Variants in PRKG1 observed in about 807,000 individuals in gnomAD.
The protein encoded by PRKG1 is protein kinase cGMP-dependent 1.
In PRKG1, 35 loss-of-function variants were observed where a neutral mutation model predicts 88.1. The ratio of observed to expected loss-of-function variants is 0.40; its 90% confidence interval spans 0.30 to 0.53. The LOEUF (loss-of-function observed/expected upper bound fraction) is 0.53, where lower values mean the gene tolerates loss of function less well. Among genes scored for constraint, PRKG1 ranks in the 20% least tolerant of loss-of-function variants. The probability of loss-of-function intolerance (pLI) is 0.59; values close to 1 mark genes in which losing one functional copy is unlikely to be tolerated. For missense variants in PRKG1, 540 were observed against 839.8 expected (o/e 0.64, Z 4.41); for synonymous variants, 303 against 292.5 (o/e 1.04, Z -0.37).
At chr10:52,072,329 T>G (rs1386205278) in intron 7 of PRKG1, among the ~76,000 whole-genome samples, 1 of 151,954 alleles carries the variant, frequency 6.6e-6, no homozygotes, top group Non-Finnish European at 1.5e-5. Context: ...TTTGTGGCTG[T>G]CCAAAACAAA....
intron 9 of PRKG1, among the ~76,000 whole-genome samples, chr10:52,172,318 G>A (rs190580088): frequency 1.2e-4 from 19 of 152,264 alleles, no homozygotes; most frequent in Admixed American, 2.0e-4. Flanking sequence ...CTTGATTGCT[G>A]AGTCTGTTTC....
rs569769835 is a variant in PRKG1, at chr10:51,980,442, G to A, written c.762+72872G>A. On this transcript the variant is annotated intron_variant, in intron 5 of 17. Coordinates refer to ENST00000373980, the MANE Select transcript of PRKG1 (RefSeq NM_006258.4). ...AATATGTGCCCTGTGGTGATGAGAAGAATGTATAGTCTGTTATTTTGGGTT... is the reference window on the plus strand; with the variant it reads ...AATATGTGCCCTGTGGTGATGAGAAAAATGTATAGTCTGTTATTTTGGGTT... Among the ~76,000 whole-genome samples, 14 of 152,260 alleles carry A rather than the reference G, an allele frequency of 9.2e-5. No individual in the cohort carries two copies. In the East Asian group the frequency reaches 2.7e-3, roughly 29 times the overall value.
intron 8 of PRKG1, among the ~76,000 whole-genome samples, chr10:52,134,761 T>C (rs1837359637): frequency 1.3e-5 from 2 of 152,146 alleles, no homozygotes; most frequent in South Asian, 4.1e-4. Context: ...CCTAGAATGA[T>C]GGAGCTGGAT....
At chr10:52,111,311 T>G (rs1052698608) in intron 7 of PRKG1, among the ~76,000 whole-genome samples, 4 of 152,216 alleles carry the variant, frequency 2.6e-5, no homozygotes, top group African/African-American at 9.6e-5. Flanking sequence ...TAGCACATAC[T>G]AAATACACAA....
At chr10:52,179,923 G>A (rs997228884) in intron 9 of PRKG1, among the ~76,000 whole-genome samples, 20 of 152,214 alleles carry the variant, frequency 1.3e-4, no homozygotes, top group African/African-American at 3.6e-4. Flanking sequence ...TCCTGATTTC[G>A]TGATCTGCCC....
At chr10:51,270,157 A>G (rs895286305) in intron 2 of PRKG1, among the ~76,000 whole-genome samples, 1 of 120,726 alleles carries the variant, frequency 8.3e-6, no homozygotes, top group Non-Finnish European at 1.7e-5. Flanking sequence ...ATTTCACAGT[A>G]TTAATTATTA....
intron 2 of PRKG1, among the ~76,000 whole-genome samples, chr10:51,307,845 T>C (rs1163040894): frequency 2.0e-5 from 3 of 152,118 alleles, no homozygotes; most frequent in African/African-American, 7.2e-5. Context: ...TAAGAGCAGA[T>C]TAATATAGCC....
chr10:51,027,134 TG>T (rs1387343959), intron 1 of PRKG1, among the ~76,000 whole-genome samples: 1 of 152,190 alleles, frequency 6.6e-6, no homozygotes, highest in Non-Finnish European at 1.5e-5. Flanking sequence ...TCAAACCAAC[TG>T]CTCTGGTGTG....
intron 5 of PRKG1, among the ~76,000 whole-genome samples, chr10:52,036,506 G>T (rs1845613414): frequency 6.6e-6 from 1 of 151,678 alleles, no homozygotes; most frequent in African/African-American, 2.4e-5. Context: ...CTGCGGGATG[G>T]GATATTGGCG....
At chr10:52,194,864 A>G (rs1417298001) in intron 9 of PRKG1, among the ~76,000 whole-genome samples, 2 of 152,182 alleles carry the variant, frequency 1.3e-5, no homozygotes, top group Non-Finnish European at 1.5e-5. Context: ...ACTTGCATCA[A>G]GGTAATAAAA....
chr10:52,117,902 G>T (rs896236266), intron 7 of PRKG1, among the ~76,000 whole-genome samples: 41 of 151,784 alleles, frequency 2.7e-4, no homozygotes, highest in African/African-American at 9.4e-4. Flanking sequence ...ACATATAGGG[G>T]TTTTTTAGTT....
chr10:52,166,916 C>CACACAT (rs1270668081), intron 9 of PRKG1, among the ~76,000 whole-genome samples: 162 of 127,878 alleles, frequency 1.3e-3, no homozygotes, highest in African/African-American at 4.3e-3. Flanking sequence ...CACACACACA[C>CACACAT]ATATATATAA....
chr10:51,584,740 G>A (rs760242056), intron 3 of PRKG1, among the ~76,000 whole-genome samples: 11 of 151,988 alleles, frequency 7.2e-5, no homozygotes, highest in Non-Finnish European at 1.0e-4. Flanking sequence ...ATTTGTGCAC[G>A]ATTTACAGTT....
At chr10:52,071,092 T>G (rs1846484641) in intron 7 of PRKG1, among the ~76,000 whole-genome samples, 1 of 152,216 alleles carries the variant, frequency 6.6e-6, no homozygotes, top group Non-Finnish European at 1.5e-5. Flanking sequence ...TGTGAGGTAT[T>G]ATTGCCATTA....
intron 3 of PRKG1, among the ~76,000 whole-genome samples, chr10:51,665,153 T>A (rs1461064841): frequency 5.3e-5 from 8 of 152,174 alleles, no homozygotes; most frequent in African/African-American, 1.9e-4. Flanking sequence ...TATCTGGGCA[T>A]AAATAATTTG....
intron 1 of PRKG1, among the ~76,000 whole-genome samples, chr10:51,056,706 C>T (rs913640180): frequency 6.6e-6 from 1 of 152,154 alleles, no homozygotes; most frequent in Non-Finnish European, 1.5e-5. Context: ...TTAATGTAGT[C>T]TACATTTGTC....
intron 2 of PRKG1, among the ~76,000 whole-genome samples, chr10:51,464,907 AAAAGAT>A (rs904732806): frequency 2.6e-5 from 4 of 151,924 alleles, no homozygotes; most frequent in African/African-American, 9.7e-5. Context: ...AAAAAAAAAA[AAAAGAT>A]AAGATCAGGA....
At chr10:51,886,920 A>C (rs1361966224) in intron 4 of PRKG1, among the ~76,000 whole-genome samples, 1 of 152,086 alleles carries the variant, frequency 6.6e-6, no homozygotes, top group Admixed American at 6.6e-5. Flanking sequence ...TGTATTTTCC[A>C]TCTGTATTTT....
At chr10:51,154,923 A>C (rs941368726) in intron 2 of PRKG1, among the ~76,000 whole-genome samples, 1 of 152,054 alleles carries the variant, frequency 6.6e-6, no homozygotes, top group Non-Finnish European at 1.5e-5. Flanking sequence ...GGTCAAGTAT[A>C]GAATATAAAG....
Sources: allele counts gnomAD v4.1 joint callset (sites outside exome capture counted in the v4.1 genomes callset), GRCh38; gene constraint gnomAD v4.1.1; transcripts MANE v1.5; gene names NCBI Gene and HGNC (gene_info 2026-07-23, HGNC 2026-07-21).